The following FAT3 variants were observed in gnomAD, a reference collection of about 807,000 sequenced individuals.
The protein encoded by FAT3 is protocadherin Fat 3.
FAT3 carries 95 observed loss-of-function variants against 310.2 expected under a neutral mutation model. The observed-to-expected ratio is 0.31, with a 90% CI of 0.26 to 0.36. FAT3 has a LOEUF of 0.36. Ranked by LOEUF, FAT3 falls within the 10% of genes least tolerant of loss-of-function variation. The probability of loss-of-function intolerance (pLI) is 1.00; values close to 1 mark genes in which losing one functional copy is unlikely to be tolerated. For synonymous variants in FAT3, 2,314 were observed against 2,192.9 expected (o/e 1.06, Z -1.54); for missense variants, 5,408 against 5,715.6 (o/e 0.95, Z 1.74).
intron 2 of FAT3, among the ~76,000 whole-genome samples, chr11:92,507,881 C>G (rs1033213455): frequency 1.3e-5 from 2 of 151,920 alleles, no homozygotes; most frequent in Admixed American, 1.3e-4. Context: ...CCCCCTATAA[C>G]CGAATCAACC....
intron 1 of FAT3, among the ~76,000 whole-genome samples, chr11:92,323,709 G>C (rs985035792): frequency 4.0e-5 from 6 of 151,306 alleles, no homozygotes; most frequent in African/African-American, 1.5e-4. Flanking sequence ...AAGCAGAGTA[G>C]ATTTAGCATA....
intron 1 of FAT3, among the ~76,000 whole-genome samples, chr11:92,321,362 G>C (rs999518934): frequency 6.6e-6 from 1 of 151,482 alleles, no homozygotes; most frequent in Non-Finnish European, 1.5e-5. Context: ...GCGTGAACCC[G>C]AGAGGCGGAG....
chr11:92,638,688 T>G (rs1403849369), intron 3 of FAT3, among the ~76,000 whole-genome samples: 1 of 152,176 alleles, frequency 6.6e-6, no homozygotes, highest in Non-Finnish European at 1.5e-5. Flanking sequence ...TTTTCAGAAG[T>G]CATGAAGACA....
Position 92,229,490 on chromosome 11 carries a change from G to GTTTTTTTTTTTTTTT in FAT3, c.-18+4317_-18+4318insTTTTTTTTTTTTTTT. Among the ~76,000 whole-genome samples, 34 of 46,846 alleles carry GTTTTTTTTTTTTTTT rather than the reference G, an allele frequency of 7.3e-4. 6 individuals are homozygous for GTTTTTTTTTTTTTTT. Among genetic ancestry groups the GTTTTTTTTTTTTTTT allele is most frequent in the African/African-American group, 1.1e-3 (14 of 13,136 alleles). The allele number at this position is 46,846 out of a possible 152,430, so 30.7% of individuals were successfully genotyped here. On this transcript the variant is annotated intron_variant, in intron 1 of 27. Coordinates refer to ENST00000525166, the MANE Select transcript of FAT3 (RefSeq NM_001367949.2). ...CCTTGTTTTCTTTTTTTGTTTTTTC[G>GTTTTTTTTTTTTTTT]TGTTTTTTTTTTTTTTGTTTTTTGT... is the stretch of plus-strand genomic sequence containing the variant.
At chr11:92,275,616 T>A (rs1351941568) in intron 1 of FAT3, among the ~76,000 whole-genome samples, 1 of 152,252 alleles carries the variant, frequency 6.6e-6, no homozygotes, top group Non-Finnish European at 1.5e-5. Context: ...AGGTTCATCA[T>A]GTTCACCATC....
Position 92,799,370 on chromosome 11 carries a change from G to A in FAT3, c.6357G>A (p.Val2119=). 2 of 1,613,834 alleles carry A rather than the reference G, an allele frequency of 1.2e-6. No homozygotes were observed. Among genetic ancestry groups the A allele is most frequent in the Non-Finnish European group, 1.7e-6 (2 of 1,179,838 alleles). Residue 2119 remains valine (V), a synonymous_variant, in exon 10 of 28, where the codon GTG becomes GTA. Transcript: ENST00000525166. ...IDKDKGPNGE[V]TYVLQDDYGH... is the part of the protein sequence containing the mutation. The stretch of plus-strand genomic sequence containing the variant: ...AAGATAAAGGTCCAAATGGAGAAGT[G>A]ACCTATGTCCTGCAGGATGACTATG...
intron 1 of FAT3, among the ~76,000 whole-genome samples, chr11:92,314,523 G>C (rs112648601): frequency 0.029 from 4,348 of 152,202 alleles, 225 homozygotes; most frequent in African/African-American, 0.099. Flanking sequence ...CTGGAAATTG[G>C]AGTTTGGGTT....
At chr11:92,396,002 A>G (rs533727913) in intron 2 of FAT3, among the ~76,000 whole-genome samples, 4 of 152,100 alleles carry the variant, frequency 2.6e-5, no homozygotes, top group Admixed American at 6.6e-5. Context: ...CTTAGGAGAA[A>G]TTAGTGTTTT....
intron 1 of FAT3, among the ~76,000 whole-genome samples, chr11:92,241,099 T>C (rs1313851323): frequency 1.3e-5 from 2 of 152,038 alleles, no homozygotes; most frequent in African/African-American, 4.8e-5. Flanking sequence ...TTCAAGGAGG[T>C]CATCCCTTTA....
intron 1 of FAT3, among the ~76,000 whole-genome samples, chr11:92,315,711 A>T (rs1947444068): frequency 6.6e-6 from 1 of 151,636 alleles, no homozygotes; most frequent in South Asian, 2.1e-4. Flanking sequence ...TCATAGAGAC[A>T]GGGTTTCTCC....
intron 1 of FAT3, among the ~76,000 whole-genome samples, chr11:92,347,056 A>G (rs966066563): frequency 1.3e-5 from 2 of 152,202 alleles, no homozygotes; most frequent in African/African-American, 2.4e-5. Context: ...GGTAGGCATT[A>G]TTGTTCTCAT....
intron 3 of FAT3, among the ~76,000 whole-genome samples, chr11:92,689,922 T>G (rs1414621508): frequency 2.6e-5 from 4 of 152,188 alleles, no homozygotes; most frequent in African/African-American, 4.8e-5. Context: ...CCCAAATGCT[T>G]CTAATCAATC....
chr11:92,630,200 C>T (rs1356181571), intron 3 of FAT3, among the ~76,000 whole-genome samples: 1 of 152,108 alleles, frequency 6.6e-6, no homozygotes, highest in East Asian at 1.9e-4. Flanking sequence ...CTGGCCACTC[C>T]CACTTTGGAA....
intron 3 of FAT3, among the ~76,000 whole-genome samples, chr11:92,603,037 A>G (rs1940106566): frequency 6.6e-6 from 1 of 152,206 alleles, no homozygotes; most frequent in South Asian, 2.1e-4. Context: ...CAGTATGCAT[A>G]CTGTGAGATA....
chr11:92,407,797 G>T (rs1054498858), intron 2 of FAT3, among the ~76,000 whole-genome samples: 5 of 152,074 alleles, frequency 3.3e-5, no homozygotes, highest in Admixed American at 6.6e-5. Context: ...ATAATAAGAG[G>T]ACATTAATTC....
rs2136445571 is a variant in FAT3, at chr11:92,890,720, C to T, written c.13377C>T (p.Phe4459=). ...TGCCTCCTCCTCTCCCGGAGGACTT[C>T]CCAGACCAATATGAGGCCCTGCCAC... The part of the protein sequence containing the change: ...DQLPPPLPED[F]PDQYEALPPS... Residue 4459 remains phenylalanine (F), a synonymous_variant, in exon 28 of 28, where the codon TTC becomes TTT. Coordinates refer to ENST00000525166, the MANE Select transcript of FAT3 (RefSeq NM_001367949.2). 2 of 1,613,678 alleles carry T rather than the reference C, an allele frequency of 1.2e-6. No individual in the cohort carries two copies. Among genetic ancestry groups the T allele is most frequent in the Non-Finnish European group, 1.7e-6 (2 of 1,179,798 alleles).
At chr11:92,430,688 G>T (rs1339025275) in intron 2 of FAT3, among the ~76,000 whole-genome samples, 1 of 152,026 alleles carries the variant, frequency 6.6e-6, no homozygotes, top group African/African-American at 2.4e-5. Flanking sequence ...AGGCCCTGGT[G>T]TGTGATGTTC....
chr11:92,799,477 G>T lies in FAT3; in HGVS notation c.6464G>T (p.Gly2155Val). The change falls in exon 10 of 28, where the codon GGA becomes GTA. Residue 2155 changes from glycine to valine, a missense_variant. By Grantham distance (109) the Gly-to-Val change is moderately radical. Transcript: ENST00000525166. ...FNSDLSNIEYGVTILAKDGGK... is the reference protein window; with the variant it reads ...FNSDLSNIEYVVTILAKDGGK... ...TCTGACTTGTCCAACATTGAGTATG[G>T]AGTCACCATCCTAGCCAAGGATGGC... 6.2e-7 allele frequency: 1 copy of T among 1,613,628 alleles called. No homozygotes were observed. Among genetic ancestry groups the T allele is most frequent in the Non-Finnish European group, 8.5e-7 (1 of 1,179,784 alleles).
intron 3 of FAT3, among the ~76,000 whole-genome samples, chr11:92,592,638 G>T (rs1005496737): frequency 2.0e-5 from 3 of 151,994 alleles, no homozygotes; most frequent in African/African-American, 7.2e-5. Flanking sequence ...CTTTTTAGGA[G>T]TATAAATCAC....
Sources: allele counts gnomAD v4.1 joint callset (sites outside exome capture counted in the v4.1 genomes callset), GRCh38; gene constraint gnomAD v4.1.1; transcripts MANE v1.5; gene names NCBI Gene and HGNC (gene_info 2026-07-23, HGNC 2026-07-21).